CRACD: variants seen among roughly 807,000 people sequenced by gnomAD.
CRACD encodes capping protein inhibiting regulator of actin dynamics, also known as capping protein-inhibiting regulator of actin dynamics.
CRACD carries 56 observed loss-of-function variants against 106.8 expected under a neutral mutation model. The observed-to-expected ratio is 0.52, with a 90% CI of 0.42 to 0.66. The LOEUF (loss-of-function observed/expected upper bound fraction) is 0.66, where lower values mean the gene tolerates loss of function less well. Among genes scored for constraint, CRACD ranks in the 30% least tolerant of loss-of-function variants. The probability of loss-of-function intolerance (pLI) is 0.00; values close to 1 mark genes in which losing one functional copy is unlikely to be tolerated. For missense variants in CRACD, 1,730 were observed against 1,623.2 expected (o/e 1.07, Z -1.13); for synonymous variants, 754 against 670.8 (o/e 1.12, Z -1.92).
intron 2 of CRACD, among the ~76,000 whole-genome samples, chr4:56,215,688 C>T (rs1316502307): frequency 6.6e-6 from 1 of 152,206 alleles, no homozygotes; most frequent in African/African-American, 2.4e-5. Context: ...CTGATGTTTG[C>T]TCACTGAGTA....
At chr4:56,108,410 A>G (rs568007708) in intron 1 of CRACD, among the ~76,000 whole-genome samples, 1 of 152,332 alleles carries the variant, frequency 6.6e-6, no homozygotes, top group South Asian at 2.1e-4. Flanking sequence ...AATATAAAAT[A>G]CAATGATTGA....
intron 3 of CRACD, among the ~76,000 whole-genome samples, chr4:56,279,149 T>C (rs577812159): frequency 7.2e-5 from 11 of 152,178 alleles, no homozygotes; most frequent in Non-Finnish European, 1.2e-4. Context: ...CTATTAGTGT[T>C]AGAAATGTGA....
Position 56,291,345 on chromosome 4 carries a change from G to A in CRACD, c.-16-6869G>A, listed in dbSNP as rs573124206. Among the ~76,000 whole-genome samples the A allele has an allele frequency of 3.0e-4, 45 of 152,236 alleles. 1 individual carries two copies. Among genetic ancestry groups the A allele is most frequent in the African/African-American group, 1.0e-3 (43 of 41,550 alleles). ...CGAACTCTGCTAAGGTACAATTTGT[G>A]GTAAATTGCCTCTCCACCTCCCAAT... On this transcript the variant is annotated intron_variant, in intron 3 of 10. Coordinates refer to ENST00000682029, the MANE Select transcript of CRACD (RefSeq NM_001393381.1).
At chr4:56,266,280 G>A (rs980851348) in intron 2 of CRACD, among the ~76,000 whole-genome samples, 6 of 152,164 alleles carry the variant, frequency 3.9e-5, no homozygotes, top group Non-Finnish European at 8.8e-5. Flanking sequence ...TACAGCTTAA[G>A]ATGGCAAATT....
intron 1 of CRACD, among the ~76,000 whole-genome samples, chr4:56,052,925 C>T (rs1267628454): frequency 6.6e-6 from 1 of 152,058 alleles, no homozygotes; most frequent in Non-Finnish European, 1.5e-5. Flanking sequence ...TTGTAGTTTC[C>T]TTTGAAATGA....
At chr4:56,324,004 G>T (rs187328296) in intron 9 of CRACD, 100 bp from the exon 10 acceptor site, 4 of 1,328,212 alleles carry the variant, frequency 3.0e-6, no homozygotes, top group Non-Finnish European at 4.2e-6. Flanking sequence ...GGAAGCAGAG[G>T]TCAGGGGCTG....
At chr4:56,168,761 A>C (rs1736247151) in intron 1 of CRACD, among the ~76,000 whole-genome samples, 1 of 151,504 alleles carries the variant, frequency 6.6e-6, no homozygotes, top group South Asian at 2.1e-4. Flanking sequence ...CTAGAAAGAC[A>C]CAAAGACACA....
chr4:56,253,292 T>C (rs189246842), intron 2 of CRACD, among the ~76,000 whole-genome samples: 10 of 152,324 alleles, frequency 6.6e-5, no homozygotes, highest in Non-Finnish European at 2.9e-5. Flanking sequence ...ATAATGCATA[T>C]AATTAATAGG....
chr4:56,311,146 T>C (rs1306329224), intron 6 of CRACD: 1 of 171,336 alleles, frequency 5.8e-6, no homozygotes, highest in Non-Finnish European at 1.2e-5. Context: ...ATTTCTCTAC[T>C]TTTATGTTGT....
At chr4:56,263,213 G>T (rs1741810222) in intron 2 of CRACD, among the ~76,000 whole-genome samples, 2 of 152,166 alleles carry the variant, frequency 1.3e-5, no homozygotes, top group African/African-American at 2.4e-5. Flanking sequence ...GATTGTGTTT[G>T]CGGGGAGTGG....
intron 8 of CRACD, among the ~76,000 whole-genome samples, chr4:56,322,430 A>G (rs1297465317): frequency 3.3e-5 from 5 of 152,344 alleles, no homozygotes; most frequent in Non-Finnish European, 4.4e-5. Context: ...TTTACCCCCA[A>G]TTACATAGGT....
intron 1 of CRACD, among the ~76,000 whole-genome samples, chr4:56,123,043 T>G (rs1374271785): frequency 6.6e-6 from 1 of 152,198 alleles, no homozygotes; most frequent in East Asian, 1.9e-4. Flanking sequence ...GGCATTAAAA[T>G]GTTTAATAGT....
chr4:56,110,754 G>A (rs769017969), intron 1 of CRACD, among the ~76,000 whole-genome samples: 2 of 152,060 alleles, frequency 1.3e-5, no homozygotes, highest in African/African-American at 4.8e-5. Flanking sequence ...CCGCCATCAC[G>A]CCTTGCTGAT....
chr4:56,326,336 G>C (rs1283574914), intron 10 of CRACD, among the ~76,000 whole-genome samples: 3 of 152,188 alleles, frequency 2.0e-5, no homozygotes, highest in Non-Finnish European at 4.4e-5. Context: ...ACCAGAAAGA[G>C]AAAGAGTGAG....
At chr4:56,167,496 C>G (rs1382824657) in intron 1 of CRACD, among the ~76,000 whole-genome samples, 1 of 152,152 alleles carries the variant, frequency 6.6e-6, no homozygotes, top group African/African-American at 2.4e-5. Context: ...AAACTTTGTA[C>G]CCTTTGACCA....
intron 3 of CRACD, chr4:56,297,798 G>A (rs1744133748): frequency 6.5e-6 from 1 of 154,558 alleles, no homozygotes; most frequent in Admixed American, 6.4e-5. Flanking sequence ...TTCCAGTTTG[G>A]TTGTCATCTG....
At position 56,307,549 on chromosome 4, in the gene CRACD, G is replaced by C. The variant is rs1258836769; in HGVS notation, c.135G>C (p.Lys45Asn). Residue 45 changes from lysine (K) to asparagine (N), a missense_variant, in exon 5 of 11, where the codon AAG (lysine) becomes AAC (asparagine). This residue lies in a region of CRACD where 1,620 missense variants were observed against 1,481.6 expected (regional missense o/e 1.09). Coordinates refer to ENST00000682029, the MANE Select transcript of CRACD (RefSeq NM_001393381.1). ...KVKTLQQQLG[K>N]NIKFGQRSPN... Reference sequence around the variant, plus strand: ...TTTCTCTCCAGCAACAGTTGGGCAAGAATATCAAGTTTGGGCAGCGGTCAC... The same window carrying C: ...TTTCTCTCCAGCAACAGTTGGGCAACAATATCAAGTTTGGGCAGCGGTCAC... 1 of 1,614,142 alleles carries C rather than the reference G, an allele frequency of 6.2e-7. No homozygotes were observed. Among genetic ancestry groups the C allele is most frequent in the Non-Finnish European group, 8.5e-7 (1 of 1,180,028 alleles).
chr4:56,284,523 A>T (rs1270212010), intron 3 of CRACD, among the ~76,000 whole-genome samples: 1 of 151,972 alleles, frequency 6.6e-6, no homozygotes, highest in East Asian at 1.9e-4. Context: ...TTAGGAGTTC[A>T]AGACTAGCCT....
At position 56,298,363 on chromosome 4, in the gene CRACD, A is replaced by G. The variant is rs768808654; in HGVS notation, c.120+14A>G. On this transcript the variant is annotated intron_variant, in intron 4 of 10. Transcript: ENST00000682029. ...AAAACTCTTCAGGTAAGACAGCTTG[A>G]GAGTGGAATTACGAGCCATAGGAGG... 9.9e-6 allele frequency: 16 copies of G among 1,613,440 alleles called. No individual in the cohort carries two copies. Among genetic ancestry groups the G allele is most frequent in the Non-Finnish European group, 1.4e-5 (16 of 1,179,730 alleles).
Sources: gnomAD v4.1 joint callset for allele counts (sites outside exome capture counted in the v4.1 genomes callset) on GRCh38, gnomAD v4.1.1 for gene constraint, gnomAD v4.1.1 regional missense constraint, MANE v1.5 for transcripts, NCBI Gene and HGNC (gene_info 2026-07-23, HGNC 2026-07-21) for gene names.